HTR7: variants seen among roughly 807,000 people sequenced by gnomAD.
The protein encoded by HTR7 is 5-hydroxytryptamine receptor 7.
Under a neutral mutation model 34.0 loss-of-function variants are expected in HTR7, and 16 were observed. The ratio of observed to expected loss-of-function variants is 0.47; its 90% CI spans 0.32 to 0.71. The LOEUF is 0.71. HTR7 is among the 30% of genes least tolerant of loss of function. The pLI is 0.04. For missense variants in HTR7, 504 were observed against 625.5 expected (o/e 0.81, Z 2.07); for synonymous variants, 265 against 260.2 (o/e 1.02, Z -0.18).
chr10:90,796,747 G>A lies in HTR7; in HGVS notation c.540-47153C>T, dbSNP rs568149472. ...AAAAAACAGACAAGGCTAGGCTCAC[G>A]GCTGTAATCCCATCAGTATGGGAGG... is the stretch of plus-strand genomic sequence containing the variant. On this transcript the variant is annotated intron_variant, in intron 1 of 3. Transcript: ENST00000336152. Among the ~76,000 whole-genome samples the A allele has an allele frequency of 7.2e-5, 11 of 152,222 alleles. No homozygotes were observed. In the South Asian group the frequency reaches 2.3e-3, roughly 32 times the overall value.
chr10:90,762,235 ACTTACATT>A (rs1296506103), intron 1 of HTR7, among the ~76,000 whole-genome samples: 1 of 152,222 alleles, frequency 6.6e-6, no homozygotes, highest in Non-Finnish European at 1.5e-5. Flanking sequence ...GGCTGTACTA[ACTTACATT>A]CTCACCAACA....
At chr10:90,779,282 C>G (rs1845270079) in intron 1 of HTR7, among the ~76,000 whole-genome samples, 1 of 152,116 alleles carries the variant, frequency 6.6e-6, no homozygotes, top group Admixed American at 6.6e-5. Flanking sequence ...AAAGAGGGAC[C>G]AACATCACCA....
intron 1 of HTR7, among the ~76,000 whole-genome samples, chr10:90,849,083 A>C (rs1016351719): frequency 2.0e-5 from 3 of 152,240 alleles, no homozygotes; most frequent in Admixed American, 6.5e-5. Context: ...ACTGACACAC[A>C]GGTGTATTAT....
intron 1 of HTR7, among the ~76,000 whole-genome samples, chr10:90,847,280 T>G (rs1330924266): frequency 2.0e-5 from 3 of 151,954 alleles, no homozygotes; most frequent in Non-Finnish European, 4.4e-5. Flanking sequence ...AAGCAATAAA[T>G]CATTAAACAT....
intron 1 of HTR7, among the ~76,000 whole-genome samples, chr10:90,769,037 C>T (rs989900192): frequency 1.3e-5 from 2 of 152,150 alleles, no homozygotes; most frequent in African/African-American, 2.4e-5. Context: ...CACAGCACTA[C>T]GTTCCAAAAA....
At chr10:90,797,952 G>A (rs529622867) in intron 1 of HTR7, among the ~76,000 whole-genome samples, 2 of 152,314 alleles carry the variant, frequency 1.3e-5, no homozygotes, top group Non-Finnish European at 2.9e-5. Context: ...GCATAAGAGG[G>A]TAAAAGAGGG....
chr10:90,753,482 T>C (rs1844776523), intron 1 of HTR7, among the ~76,000 whole-genome samples: 1 of 152,212 alleles, frequency 6.6e-6, no homozygotes, highest in Admixed American at 6.5e-5. Flanking sequence ...ATTTTTATCA[T>C]TTGCAAATAT....
At chr10:90,765,770 CTTT>C (rs1299563972) in intron 1 of HTR7, among the ~76,000 whole-genome samples, 1 of 152,004 alleles carries the variant, frequency 6.6e-6, no homozygotes, top group Admixed American at 6.5e-5. Context: ...TACATTTCTT[CTTT>C]GACCCATTGG....
chr10:90,824,822 G>A (rs190704303), intron 1 of HTR7, among the ~76,000 whole-genome samples: 155 of 152,314 alleles, frequency 1.0e-3, no homozygotes, highest in Non-Finnish European at 1.7e-3. Context: ...GAAAGACATT[G>A]CCTTGTGGCA....
chr10:90,760,740 G>T (rs1021794335), intron 1 of HTR7, among the ~76,000 whole-genome samples: 4 of 152,146 alleles, frequency 2.6e-5, no homozygotes, highest in Non-Finnish European at 4.4e-5. Context: ...GATTAGCCAG[G>T]CGTGGTGGTG....
intron 1 of HTR7, among the ~76,000 whole-genome samples, chr10:90,819,024 C>A (rs1845939149): frequency 6.6e-6 from 1 of 152,170 alleles, no homozygotes; most frequent in Non-Finnish European, 1.5e-5. Context: ...GCATCCTGTA[C>A]AGCCTGTGGA....
intron 1 of HTR7, among the ~76,000 whole-genome samples, chr10:90,852,704 T>A (rs1329550139): frequency 6.6e-6 from 1 of 152,202 alleles, no homozygotes; most frequent in South Asian, 2.1e-4. Flanking sequence ...AAACTACAGA[T>A]GACTCTCACA....
intron 1 of HTR7, among the ~76,000 whole-genome samples, chr10:90,760,887 A>C (rs1051975480): frequency 6.6e-6 from 1 of 152,218 alleles, no homozygotes; most frequent in Non-Finnish European, 1.5e-5. Context: ...TCTCAAAAAA[A>C]TAAAATAAAA....
In HTR7 at chr10:90,857,636, G is replaced by C; in HGVS notation, c.36C>G (p.Leu12=). 6.3e-7 allele frequency: 1 copy of C among 1,595,932 alleles called. No homozygotes were observed. The part of the protein sequence containing the change: ...MDVNSSGRPD[L]YGHLRSFLLP... ...GAAGGAAAGAGCGGAGGTGCCCGTA[G>C]AGGTCCGGGCGGCCGCTGCTGTTAA... Residue 12 remains leucine, a synonymous_variant, in exon 1 of 4, where the codon CTC becomes CTG. Transcript: ENST00000336152. This position sits in a 1 kb window ranked among gnomAD's most constrained non-coding sequence, Gnocchi z 6.5.
intron 1 of HTR7, among the ~76,000 whole-genome samples, chr10:90,798,948 A>T (rs1845582001): frequency 6.6e-6 from 1 of 152,212 alleles, no homozygotes; most frequent in African/African-American, 2.4e-5. Flanking sequence ...TAGTCAAAAG[A>T]TTAGAAATTA....
intron 1 of HTR7, among the ~76,000 whole-genome samples, chr10:90,834,002 C>A (rs183633815): frequency 6.6e-6 from 1 of 152,274 alleles, no homozygotes; most frequent in Admixed American, 6.5e-5. Context: ...TGTTGTCTAT[C>A]TATAGGTACA....
chr10:90,832,024 CAG>C (rs1382122077), intron 1 of HTR7, among the ~76,000 whole-genome samples: 2 of 152,244 alleles, frequency 1.3e-5, no homozygotes, highest in Non-Finnish European at 2.9e-5. Context: ...GAGCTAGATA[CAG>C]AGTGTTGATT....
intron 1 of HTR7, among the ~76,000 whole-genome samples, chr10:90,782,436 T>C (rs1051320847): frequency 6.6e-6 from 1 of 152,192 alleles, no homozygotes; most frequent in Non-Finnish European, 1.5e-5. Context: ...ATGCCCCTAA[T>C]AAGTATAAAT....
chr10:90,788,970 T>C (rs1036394650), intron 1 of HTR7, among the ~76,000 whole-genome samples: 2 of 152,130 alleles, frequency 1.3e-5, no homozygotes, highest in African/African-American at 4.8e-5. Context: ...AGGTCCTTCC[T>C]ATCTGCACCC....
Sources: gnomAD v4.1 joint callset for allele counts (sites outside exome capture counted in the v4.1 genomes callset) on GRCh38, gnomAD v4.1.1 for gene constraint, Gnocchi (gnomAD v3.1) non-coding constraint, MANE v1.5 for transcripts, NCBI Gene and HGNC (gene_info 2026-07-23, HGNC 2026-07-21) for gene names.